KIF26B: variants seen among roughly 807,000 people sequenced by gnomAD.
KIF26B encodes the protein kinesin-like protein KIF26B.
A neutral mutation model predicts 151.2 loss-of-function variants in KIF26B; 63 were observed. That is an observed-to-expected ratio of 0.42 (90% CI 0.34 to 0.51). The LOEUF (loss-of-function observed/expected upper bound fraction) is 0.51. Ranked by LOEUF, KIF26B falls within the 20% of genes least tolerant of loss-of-function variation. The pLI is 0.07. For synonymous variants in KIF26B, 1,357 were observed against 1,262.1 expected, an observed-to-expected ratio of 1.08 and a Z score of -1.59; for missense variants, 2,813 against 2,913.6, an observed-to-expected ratio of 0.97 and a Z score of 0.79.
Position 245,709,096 on chromosome 1 carries a change from C to G in KIF26B, c.*6490C>G, listed in dbSNP as rs902872379. The G allele has an allele frequency of 6.6e-6, 1 of 152,216 alleles. No homozygotes were observed. The highest frequency in any genetic ancestry group is 1.5e-5 in the Non-Finnish European group (1 of 68,048). The allele number at this position is 152,216 out of a possible 1,614,324, so 9.4% of individuals were successfully genotyped here. A position where few individuals can be genotyped will look rare whatever the true frequency, so the allele number is the denominator to read the frequency against. On this transcript the variant is annotated 3_prime_UTR_variant, in exon 15 of 15. Coordinates refer to ENST00000407071, the MANE Select transcript of KIF26B (RefSeq NM_018012.4). ...AACTCATTTGTTAAAGTCAGAAATT[C>G]AACTCTTCTGTACTTGGGCAGGTCC... is the stretch of plus-strand genomic sequence containing the variant.
intron 2 of KIF26B, among the ~76,000 whole-genome samples, chr1:245,316,828 C>G (rs59519537): frequency 0.018 from 1,921 of 109,750 alleles, 33 homozygotes; most frequent in African/African-American, 0.08. Context: ...CAAACCAGAA[C>G]TAGTTCAAGG....
At chr1:245,238,872 C>T (rs1670161728) in intron 2 of KIF26B, among the ~76,000 whole-genome samples, 1 of 151,756 alleles carries the variant, frequency 6.6e-6, no homozygotes, top group African/African-American at 2.4e-5. Context: ...AAAAACAAAA[C>T]AAAACAAAAA....
chr1:245,325,068 C>A (rs1351322944), intron 2 of KIF26B, among the ~76,000 whole-genome samples: 1 of 146,904 alleles, frequency 6.8e-6, no homozygotes, highest in Non-Finnish European at 1.5e-5. Context: ...GCACTCCAGC[C>A]TGGACGACAA....
intron 2 of KIF26B, among the ~76,000 whole-genome samples, chr1:245,308,384 AAGGTGCT>A (rs780173290): frequency 1.3e-5 from 2 of 152,194 alleles, no homozygotes; most frequent in Non-Finnish European, 2.9e-5. Flanking sequence ...GGAAAATGAC[AAGGTGCT>A]AGGTAGTGGA....
intron 2 of KIF26B, among the ~76,000 whole-genome samples, chr1:245,222,460 A>T (rs996066232): frequency 6.6e-6 from 1 of 152,166 alleles, no homozygotes; most frequent in African/African-American, 2.4e-5. Context: ...ACAAACAAAA[A>T]CACTAACGTA....
At chr1:245,492,283 G>T (rs1424847908) in intron 4 of KIF26B, among the ~76,000 whole-genome samples, 1 of 152,206 alleles carries the variant, frequency 6.6e-6, no homozygotes, top group Non-Finnish European at 1.5e-5. Flanking sequence ...GCCTCCCTGG[G>T]TTCTCTGGGT....
intron 2 of KIF26B, among the ~76,000 whole-genome samples, chr1:245,356,327 G>A (rs1447096576): frequency 1.3e-5 from 2 of 152,144 alleles, no homozygotes; most frequent in African/African-American, 4.8e-5. Context: ...AGGCTGAGGT[G>A]GGTGGATCAC....
chr1:245,591,924 G>A (rs545323272), intron 5 of KIF26B, among the ~76,000 whole-genome samples: 5 of 152,238 alleles, frequency 3.3e-5, no homozygotes, highest in East Asian at 1.9e-4. Flanking sequence ...AGTGCCTCAC[G>A]GGGAAGGGCT....
chr1:245,504,372 CTCCCTCCT>C (rs147799764), intron 4 of KIF26B, among the ~76,000 whole-genome samples: 27,538 of 141,516 alleles, frequency 0.19, 2,945 homozygotes, highest in Middle Eastern at 0.35. Context: ...CTCTTTCTCC[CTCCCTCCT>C]TCCCTCCTTC....
intron 2 of KIF26B, among the ~76,000 whole-genome samples, chr1:245,236,355 C>T (rs1409656686): frequency 1.3e-5 from 2 of 152,130 alleles, no homozygotes; most frequent in Admixed American, 6.5e-5. Context: ...CTCATTCAGC[C>T]TCAACGTCTT....
intron 12 of KIF26B, 147 bp downstream of exon 12, chr1:245,688,954 C>T (rs1392615625): frequency 1.0e-5 from 11 of 1,088,950 alleles, no homozygotes; most frequent in Middle Eastern, 6.3e-4. Context: ...CCAAACCCCA[C>T]TGCCAGGGTG....
intron 9 of KIF26B, among the ~76,000 whole-genome samples, chr1:245,633,689 T>C (rs1441742181): frequency 6.6e-6 from 1 of 152,254 alleles, no homozygotes; most frequent in African/African-American, 2.4e-5. Flanking sequence ...TCATTCATTT[T>C]TTAAGGATAG....
At chr1:245,213,413 C>T (rs1218879272) in intron 2 of KIF26B, among the ~76,000 whole-genome samples, 1 of 152,196 alleles carries the variant, frequency 6.6e-6, no homozygotes. Context: ...TGTCTTTTAG[C>T]CAAAGCTGTG....
intron 4 of KIF26B, among the ~76,000 whole-genome samples, chr1:245,460,345 C>A (rs1371060405): frequency 6.6e-6 from 1 of 152,002 alleles, no homozygotes; most frequent in Admixed American, 6.6e-5. Flanking sequence ...GGTCATTTTT[C>A]TCTTAAATCA....
At chr1:245,423,109 A>C (rs1658532805) in intron 4 of KIF26B, among the ~76,000 whole-genome samples, 1 of 148,080 alleles carries the variant, frequency 6.8e-6, no homozygotes, top group African/African-American at 2.6e-5. Context: ...AAAAAAAAAA[A>C]AAAAAAGGAA....
chr1:245,213,396 C>T (rs1669581634), intron 2 of KIF26B, among the ~76,000 whole-genome samples: 1 of 152,234 alleles, frequency 6.6e-6, no homozygotes, highest in African/African-American at 2.4e-5. Flanking sequence ...ATTTCTCATG[C>T]TCCTTCTGTC....
In KIF26B at chr1:245,156,615, A is replaced by C. The variant is rs773933709; in HGVS notation, c.397A>C (p.Asn133His). Residue 133 changes from asparagine (N) to histidine (H), a missense_variant, in exon 2 of 15, where the codon AAC (asparagine) becomes CAC (histidine). By Grantham distance (68) the Asn-to-His change is moderately conservative (BLOSUM62 1). Coordinates refer to ENST00000407071, the MANE Select transcript of KIF26B (RefSeq NM_018012.4). ...SDRGVWCENC[N>H]ARLVELKRQA... is the part of the protein sequence containing the mutation. ...CCGCGGCGTCTGGTGCGAGAACTGC[A>C]ACGCCCGCCTGGTGGAGCTCAAGAG... The C allele has an allele frequency of 1.3e-6, 2 of 1,525,168 alleles. No individual in the cohort carries two copies. Among genetic ancestry groups the C allele is most frequent in the South Asian group, 2.4e-5 (2 of 83,394 alleles). The allele number at this position is 1,525,168 out of a possible 1,614,324, so 94.5% of individuals were successfully genotyped here.
intron 2 of KIF26B, among the ~76,000 whole-genome samples, chr1:245,160,910 G>T (rs1412831463): frequency 1.3e-5 from 2 of 152,140 alleles, no homozygotes; most frequent in Non-Finnish European, 2.9e-5. Context: ...TCTGTATTTT[G>T]CCAGCTCCAA....
intron 2 of KIF26B, among the ~76,000 whole-genome samples, chr1:245,262,734 C>T (rs546113502): frequency 1.5e-4 from 23 of 152,258 alleles, no homozygotes; most frequent in African/African-American, 5.1e-4. Context: ...GGATTACAGG[C>T]GTGAGCCACT....
Sources: gnomAD v4.1 joint callset for allele counts (sites outside exome capture counted in the v4.1 genomes callset) on GRCh38, gnomAD v4.1.1 for gene constraint, MANE v1.5 for transcripts, NCBI Gene and HGNC (gene_info 2026-07-23, HGNC 2026-07-21) for gene names.